ADNP2: variants seen among roughly 807,000 people sequenced by gnomAD.
ADNP2 encodes ADNP homeobox 2.
Under a neutral mutation model 16.4 loss-of-function variants are expected in ADNP2, and 8 were observed. The observed-to-expected ratio is 0.49, with a 90% CI of 0.29 to 0.88. ADNP2 has a LOEUF of 0.88. Among genes scored for constraint, ADNP2 ranks in the 40% least tolerant of loss-of-function variants. The pLI is 0.09. For missense variants in ADNP2, 1,397 were observed against 1,395.1 expected (o/e 1.00, Z -0.02); for synonymous variants, 637 against 545.8 (o/e 1.17, Z -2.33).
intron 2 of ADNP2, among the ~76,000 whole-genome samples, chr18:80,127,651 AT>A (rs1555729710): frequency 6.6e-6 from 1 of 152,004 alleles, no homozygotes; most frequent in Non-Finnish European, 1.5e-5. Context: ...CACACTGGAC[AT>A]TGTGTTTATG....
At chr18:80,114,969 T>C (rs1348571743) in intron 1 of ADNP2, among the ~76,000 whole-genome samples, 1 of 152,158 alleles carries the variant, frequency 6.6e-6, no homozygotes, top group East Asian at 1.9e-4. Context: ...GAGAGGTATG[T>C]GGCATTTTTA....
intron 2 of ADNP2, among the ~76,000 whole-genome samples, chr18:80,120,936 G>A (rs1029790204): frequency 9.8e-5 from 15 of 152,292 alleles, no homozygotes; most frequent in Admixed American, 3.9e-4. Context: ...ATGCTGCAAT[G>A]AACATTGGTG....
chr18:80,133,097 TA>T lies in ADNP2; in HGVS notation c.109-2del, dbSNP rs766918795. On this transcript the variant is annotated splice_polypyrimidine_tract_variant and splice_region_variant and intron_variant, in intron 2 of 3. Transcript: ENST00000262198. ...ATAATCTCTTTTTTTTCTCCCTTTT[TA>T]AAAGGACCTTAAAGGCTTTGATCCA... 87 of 1,580,002 alleles carry T rather than the reference TA, an allele frequency of 5.5e-5. No homozygotes were observed. The highest frequency in any genetic ancestry group is 7.2e-5 in the Non-Finnish European group (84 of 1,162,380).
At position 80,140,069 on chromosome 18, in the gene ADNP2, G is replaced by A. The variant is rs1356859743; in HGVS notation, c.*1260G>A. Reference sequence around the variant, plus strand: ...TAGATGGTAAGTCATATTTCTGGTGGTACACAGCAGAGGAACCCCTTCACT... The same window carrying A: ...TAGATGGTAAGTCATATTTCTGGTGATACACAGCAGAGGAACCCCTTCACT... On this transcript the variant is annotated 3_prime_UTR_variant, in exon 4 of 4. Transcript: ENST00000262198. The A allele has an allele frequency of 6.6e-6, 1 of 152,124 alleles. No homozygotes were observed. The highest frequency in any genetic ancestry group is 6.5e-5 in the Admixed American group (1 of 15,276). The allele number at this position is 152,124 out of a possible 1,614,324, so 9.4% of individuals were successfully genotyped here. A position where few individuals can be genotyped will look rare whatever the true frequency, so the allele number is the denominator to read the frequency against.
chr18:80,138,513 G>C lies in ADNP2; in HGVS notation c.3100G>C (p.Glu1034Gln), dbSNP rs937743050. 1 of 1,613,976 alleles carries C rather than the reference G, an allele frequency of 6.2e-7. No individual in the cohort carries two copies. Among genetic ancestry groups the C allele is most frequent in the Non-Finnish European group, 8.5e-7 (1 of 1,180,040 alleles). Residue 1034 changes from glutamate to glutamine, a missense_variant, in exon 4 of 4, where the codon GAG (glutamate) becomes CAG (glutamine). By Grantham distance (29) the Glu-to-Gln change is conservative (BLOSUM62 2). Around this residue, in one of 3 missense-constraint regions of ADNP2, gnomAD observed 611 missense variants for 648.7 expected, o/e 0.94. Transcript: ENST00000262198. ...AACAGAGGGACCTATTGTCAAGGACGAGGCTCTTCAGATTTTAGCATTAGA... is the reference window on the plus strand; with the variant it reads ...AACAGAGGGACCTATTGTCAAGGACCAGGCTCTTCAGATTTTAGCATTAGA... The part of the protein sequence containing the change: ...SRTEGPIVKD[E>Q]ALQILALDPK...
intron 3 of ADNP2, among the ~76,000 whole-genome samples, chr18:80,134,014 A>AT (rs1302675705): frequency 9.9e-5 from 15 of 151,780 alleles, no homozygotes; most frequent in Non-Finnish European, 1.2e-4. Flanking sequence ...TTTTATTTTT[A>AT]TTTTTTGTAG....
At chr18:80,130,042 T>G (rs2052486264) in intron 2 of ADNP2, among the ~76,000 whole-genome samples, 1 of 152,226 alleles carries the variant, frequency 6.6e-6, no homozygotes, top group Non-Finnish European at 1.5e-5. Context: ...CCTTTCCCAA[T>G]GGTGATTCGT....
chr18:80,137,364 C>G lies in ADNP2; in HGVS notation c.1951C>G (p.Pro651Ala). 6.2e-7 allele frequency: 1 copy of G among 1,614,194 alleles called. No individual in the cohort carries two copies. The highest frequency in any genetic ancestry group is 8.5e-7 in the Non-Finnish European group (1 of 1,180,044). ...IQLLPSGAAA[P>A]MAGSMPGMPS... Reference sequence around the variant, plus strand: ...GCTCCTGCCGTCAGGTGCAGCTGCACCAATGGCCGGTTCCATGCCCGGCAT... The same window carrying G: ...GCTCCTGCCGTCAGGTGCAGCTGCAGCAATGGCCGGTTCCATGCCCGGCAT... Residue 651 changes from proline to alanine, a missense_variant, in exon 4 of 4, where the codon CCA becomes GCA. Physicochemically the swap from Pro to Ala is conservative, Grantham distance 27. Transcript: ENST00000262198. The surrounding 1 kb of genome is among the most constrained non-coding windows in gnomAD (Gnocchi z 4.2).
chr18:80,113,471 A>G (rs952921739), intron 1 of ADNP2, among the ~76,000 whole-genome samples: 1 of 152,174 alleles, frequency 6.6e-6, no homozygotes. Flanking sequence ...TGCCAAATAA[A>G]TTCAGACTTT....
intron 2 of ADNP2, among the ~76,000 whole-genome samples, chr18:80,130,470 G>C (rs1311664507): frequency 6.6e-6 from 1 of 152,186 alleles, no homozygotes; most frequent in Admixed American, 6.5e-5. Flanking sequence ...TACACGCTTT[G>C]TGAAGTAGCT....
chr18:80,113,360 G>A (rs903301987), intron 1 of ADNP2, among the ~76,000 whole-genome samples: 26 of 152,138 alleles, frequency 1.7e-4, no homozygotes, highest in African/African-American at 5.3e-4. Flanking sequence ...CTTGGTGTTT[G>A]CTTGTTACCC....
chr18:80,135,669 A>C lies in ADNP2; in HGVS notation c.256A>C (p.Thr86Pro), dbSNP rs78503084. The C allele has an allele frequency of 6.2e-7, 1 of 1,614,232 alleles. No individual in the cohort carries two copies. The highest frequency in any genetic ancestry group is 1.1e-5 in the South Asian group (1 of 91,090). The change falls in exon 4 of 4, where the codon ACT becomes CCT. Residue 86 changes from threonine to proline, a missense_variant. Thr to Pro is a conservative substitution (Grantham distance 38). Coordinates refer to ENST00000262198, the MANE Select transcript of ADNP2 (RefSeq NM_014913.4). ...CTGTAAATACTCTACAAAGGTGCTT[A>C]CTTCATTCAAGAATCATTTACATCG... ...GLCKYSTKVL[T>P]SFKNHLHRYH...
chr18:80,132,967 C>T (rs2052507819), intron 2 of ADNP2, 136 bp from the exon 3 acceptor site: 5 of 662,516 alleles, frequency 7.5e-6, no homozygotes, highest in Non-Finnish European at 1.3e-5. Flanking sequence ...GTGATCCACC[C>T]TCCTCAACCT....
In ADNP2 at chr18:80,138,975, C is replaced by T; in HGVS notation, c.*166C>T. ...GGAGAGACCCCTGTTACCAGGAAGC[C>T]AGTAGTTATTTCACATCTATTGTTT... is the stretch of plus-strand genomic sequence containing the variant. On this transcript the variant is annotated 3_prime_UTR_variant, in exon 4 of 4. Coordinates refer to ENST00000262198, the MANE Select transcript of ADNP2 (RefSeq NM_014913.4). 3 of 539,108 alleles carry T rather than the reference C, an allele frequency of 5.6e-6. No homozygotes were observed. Among genetic ancestry groups the T allele is most frequent in the Non-Finnish European group, 9.0e-6 (3 of 334,850 alleles). The allele number at this position is 539,108 out of a possible 1,614,324, so 33.4% of individuals were successfully genotyped here.
chr18:80,130,876 A>G (rs1007612298), intron 2 of ADNP2, among the ~76,000 whole-genome samples: 1 of 152,150 alleles, frequency 6.6e-6, no homozygotes, highest in South Asian at 2.1e-4. Flanking sequence ...CAATTTTACA[A>G]AATATCTGTG....
chr18:80,120,362 C>T (rs984734141), intron 2 of ADNP2, among the ~76,000 whole-genome samples: 39 of 146,546 alleles, frequency 2.7e-4, no homozygotes, highest in African/African-American at 7.7e-4. Context: ...GACAGGGTCT[C>T]GCTCTTTTAC....
chr18:80,121,470 TA>T (rs1302288084), intron 2 of ADNP2, among the ~76,000 whole-genome samples: 11 of 152,264 alleles, frequency 7.2e-5, no homozygotes, highest in African/African-American at 2.7e-4. Context: ...GATTTGCATA[TA>T]TTTTCTTCTA....
At chr18:80,129,422 T>C (rs1013936023) in intron 2 of ADNP2, among the ~76,000 whole-genome samples, 1 of 152,170 alleles carries the variant, frequency 6.6e-6, no homozygotes, top group Admixed American at 6.5e-5. Context: ...TTTTTTACAC[T>C]CGGTTTATGT....
chr18:80,121,846 G>A (rs2052427150), intron 2 of ADNP2, among the ~76,000 whole-genome samples: 1 of 151,974 alleles, frequency 6.6e-6, no homozygotes, highest in Non-Finnish European at 1.5e-5. Context: ...GTTGGTCCTG[G>A]ATATATGGGT....
Sources: gnomAD v4.1 joint callset for allele counts (sites outside exome capture counted in the v4.1 genomes callset) on GRCh38, gnomAD v4.1.1 for gene constraint, gnomAD v4.1.1 regional missense constraint, Gnocchi (gnomAD v3.1) non-coding constraint, MANE v1.5 for transcripts, NCBI Gene and HGNC (gene_info 2026-07-23, HGNC 2026-07-21) for gene names.